Variants in NEMF observed in about 807,000 individuals in gnomAD.
The protein encoded by NEMF is nuclear export mediator factor, also known as ribosome quality control complex subunit NEMF.
In NEMF, 89 loss-of-function variants were observed where a neutral mutation model predicts 162.2. The observed-to-expected ratio is 0.55, with a 90% CI of 0.46 to 0.65. The LOEUF (loss-of-function observed/expected upper bound fraction) is 0.65. Among genes scored for constraint, NEMF ranks in the 30% least tolerant of loss-of-function variants. The pLI is 0.00. For missense variants in NEMF, 1,133 were observed against 1,261.9 expected (o/e 0.90, Z 1.55); for synonymous variants, 421 against 404.5 (o/e 1.04, Z -0.49).
At chr14:49,801,741 A>G (rs1890965903) in intron 22 of NEMF, among the ~76,000 whole-genome samples, 1 of 152,200 alleles carries the variant, frequency 6.6e-6, no homozygotes, top group Non-Finnish European at 1.5e-5. Flanking sequence ...TACTTGAAAC[A>G]AATATTTTAT....
At chr14:49,812,531 T>G (rs775198760) in intron 18 of NEMF, among the ~76,000 whole-genome samples, 2 of 152,188 alleles carry the variant, frequency 1.3e-5, no homozygotes, top group Non-Finnish European at 2.9e-5. Context: ...AATATAGGCA[T>G]TTATAGCTAT....
intron 19 of NEMF, among the ~76,000 whole-genome samples, 171 bp from the exon 20 acceptor site, chr14:49,803,465 A>C (rs1891043914): frequency 6.6e-6 from 1 of 152,120 alleles, no homozygotes; most frequent in South Asian, 2.1e-4. Context: ...CTTTAATGAC[A>C]GATAAGCCTT....
Position 49,800,447 on chromosome 14 carries a change from A to G in NEMF, c.2345T>C (p.Ile782Thr), listed in dbSNP as rs1487339174. ...EETLNYPDTT[I>T]DLSHLQPQRS... ...TTGGGGTTGAAGGTGAGACAAGTCA[A>G]TGGTAGTATCAGGATAATTTAATGT... The change falls in exon 23 of 33, where the codon ATT becomes ACT. Residue 782 changes from isoleucine (I) to threonine (T), a missense_variant. Coordinates refer to ENST00000298310, the MANE Select transcript of NEMF (RefSeq NM_004713.6). 1.2e-6 allele frequency: 2 copies of G among 1,613,446 alleles called. No homozygotes were observed. The highest frequency in any genetic ancestry group is 1.7e-6 in the Non-Finnish European group (2 of 1,179,612).
At chr14:49,794,593 T>TG (rs1890599441) in intron 26 of NEMF, among the ~76,000 whole-genome samples, 1 of 138,128 alleles carries the variant, frequency 7.2e-6, no homozygotes, top group South Asian at 2.2e-4. Context: ...CACTCCAGCC[T>TG]GGGCAACAGA....
intron 3 of NEMF, among the ~76,000 whole-genome samples, chr14:49,846,523 T>C (rs1893510534): frequency 6.6e-6 from 1 of 152,198 alleles, no homozygotes; most frequent in Admixed American, 6.5e-5. Flanking sequence ...TGGAGCCCAG[T>C]GGTGTGATCA....
Position 49,784,011 on chromosome 14 carries a change from G to GCAAT in NEMF, c.*621_*624dup, listed in dbSNP as rs930404291. 1.3e-5 allele frequency: 2 copies of GCAAT among 151,882 alleles called. No homozygotes were observed. Among genetic ancestry groups the GCAAT allele is most frequent in the African/African-American group, 4.8e-5 (2 of 41,352 alleles). The allele number at this position is 151,882 out of a possible 1,614,324, so 9.4% of individuals were successfully genotyped here. On this transcript the variant is annotated 3_prime_UTR_variant, in exon 33 of 33. Transcript: ENST00000298310. ...TAGACTTACCAAGTCAATAGTTTAA[G>GCAAT]CAATCAAGCCACTTCACTGTTCAGT... is the stretch of plus-strand genomic sequence containing the variant.
intron 29 of NEMF, chr14:49,785,778 G>A (rs4592567): frequency 0.97 from 154,909 of 159,832 alleles, 75,280 homozygotes; most frequent in East Asian, 1. Flanking sequence ...CCAGCTACTC[G>A]GAAGACTGAG....
At chr14:49,828,522 G>A (rs957393046) in intron 14 of NEMF, 94 bp downstream of exon 14, 7 of 1,109,886 alleles carry the variant, frequency 6.3e-6, no homozygotes, top group Admixed American at 2.6e-5. Context: ...AAGTATGCAT[G>A]TACAAGTGAA....
intron 16 of NEMF, among the ~76,000 whole-genome samples, chr14:49,823,241 C>A (rs1892173126): frequency 6.6e-6 from 1 of 151,178 alleles, no homozygotes; most frequent in African/African-American, 2.4e-5. Flanking sequence ...TGTGCCCAGC[C>A]TAAATATATA....
chr14:49,787,346 A>G (rs1165405205), intron 28 of NEMF, among the ~76,000 whole-genome samples: 2 of 152,248 alleles, frequency 1.3e-5, no homozygotes. Flanking sequence ...GAAGTCCAGC[A>G]TCAAGGCACC....
chr14:49,784,636 C>T lies in NEMF; in HGVS notation c.3231G>A (p.Ter1077=), dbSNP rs767021575. 1.9e-6 allele frequency: 3 copies of T among 1,602,232 alleles called. No individual in the cohort carries two copies. The African/African-American group carries it at 4.0e-5, about 21-fold the overall frequency. The stretch of plus-strand genomic sequence containing the variant: ...CAAATATTTTAGAATTTCATTTCAG[C>T]TATTTCCTTTTTACGTTCAGAAGAT... ...APNLLNVKRK[*] is the part of the protein sequence containing the mutation. Residue 1077 remains the stop codon, a stop_retained_variant, in exon 33 of 33, where the codon TAG becomes TAA. Coordinates refer to ENST00000298310, the MANE Select transcript of NEMF (RefSeq NM_004713.6).
rs1285444363 is a variant in NEMF, at chr14:49,846,217, C to T, written c.280G>A (p.Gly94Ser). The T allele has an allele frequency of 1.2e-6, 2 of 1,613,664 alleles. No homozygotes were observed. The highest frequency in any genetic ancestry group is 1.7e-6 in the Non-Finnish European group (2 of 1,179,770). ...TGAAAATCTACAATTCTATCCACACCAAGCTGTTTTGCACTGACTAATCTC... is the reference window on the plus strand; with the variant it reads ...TGAAAATCTACAATTCTATCCACACTAAGCTGTTTTGCACTGACTAATCTC... ...SRRLVSAKQL[G>S]VDRIVDFQFG... Residue 94 changes from glycine to serine, a missense_variant, in exon 4 of 33, where the codon GGT becomes AGT. Gly to Ser is a moderately conservative substitution (Grantham distance 56, BLOSUM62 0). This residue lies in a region of NEMF where 582 missense variants were observed against 631.5 expected (regional missense o/e 0.92). Coordinates refer to ENST00000298310, the MANE Select transcript of NEMF (RefSeq NM_004713.6).
At chr14:49,849,921 G>A (rs1893688639) in intron 3 of NEMF, among the ~76,000 whole-genome samples, 1 of 152,144 alleles carries the variant, frequency 6.6e-6, no homozygotes, top group South Asian at 2.1e-4. Flanking sequence ...TTGTGATATG[G>A]AAACACTTAC....
intron 3 of NEMF, among the ~76,000 whole-genome samples, chr14:49,848,198 A>G (rs997831118): frequency 6.6e-6 from 1 of 152,064 alleles, no homozygotes; most frequent in African/African-American, 2.4e-5. Context: ...ATATAACCCA[A>G]AGAGAATTTT....
At chr14:49,793,006 T>C (rs753745447) in intron 26 of NEMF, among the ~76,000 whole-genome samples, 2 of 151,886 alleles carry the variant, frequency 1.3e-5, no homozygotes, top group South Asian at 2.1e-4. Context: ...AAGAATGCAA[T>C]AGACACAGAA....
chr14:49,825,840 T>C (rs769061402), intron 16 of NEMF, 27 bp downstream of exon 16: 10 of 1,407,516 alleles, frequency 7.1e-6, no homozygotes, highest in Non-Finnish European at 7.9e-6. Flanking sequence ...AAACAAAAAC[T>C]GTATTTGAAA....
chr14:49,817,570 T>C (rs1472907217), intron 16 of NEMF, among the ~76,000 whole-genome samples: 1 of 151,770 alleles, frequency 6.6e-6, no homozygotes, highest in Non-Finnish European at 1.5e-5. Flanking sequence ...TTAAAGTTGA[T>C]AAAAGACTCA....
intron 26 of NEMF, among the ~76,000 whole-genome samples, chr14:49,791,720 G>C (rs1317111482): frequency 1.5e-5 from 2 of 134,388 alleles, no homozygotes; most frequent in South Asian, 5.3e-4. Flanking sequence ...CTGGGCAACA[G>C]AGCGAGACTC....
chr14:49,843,195 T>C (rs1893301868), intron 4 of NEMF, among the ~76,000 whole-genome samples: 1 of 151,332 alleles, frequency 6.6e-6, no homozygotes, highest in South Asian at 2.1e-4. Flanking sequence ...CTCACAGACA[T>C]TATATATTGA....
Sources: gnomAD v4.1 joint callset for allele counts (sites outside exome capture counted in the v4.1 genomes callset) on GRCh38, gnomAD v4.1.1 for gene constraint, gnomAD v4.1.1 regional missense constraint, MANE v1.5 for transcripts, NCBI Gene and HGNC (gene_info 2026-07-23, HGNC 2026-07-21) for gene names.